NPAS3: variants seen among roughly 807,000 people sequenced by gnomAD.
NPAS3 encodes the protein neuronal PAS domain-containing protein 3.
NPAS3 carries 14 observed loss-of-function variants against 73.1 expected under a neutral mutation model. The observed-to-expected ratio is 0.19, with a 90% CI of 0.13 to 0.30. The LOEUF (loss-of-function observed/expected upper bound fraction) is 0.30, where lower values mean the gene tolerates loss of function less well. Ranked by LOEUF, NPAS3 falls within the 10% of genes least tolerant of loss-of-function variation. NPAS3 has a pLI of 1.00. For missense variants in NPAS3, 1,096 were observed against 1,250.0 expected, an observed-to-expected ratio of 0.88 and a Z score of 1.86; for synonymous variants, 620 against 541.5, an observed-to-expected ratio of 1.14 and a Z score of -2.01.
At chr14:32,942,167 T>TA (rs2036046083) in intron 1 of NPAS3, among the ~76,000 whole-genome samples, 1 of 152,176 alleles carries the variant, frequency 6.6e-6, no homozygotes. Flanking sequence ...CCTATTTATT[T>TA]AAAAAAATGT....
chr14:33,016,577 A>T (rs1048854799), intron 1 of NPAS3, among the ~76,000 whole-genome samples: 1 of 150,560 alleles, frequency 6.6e-6, no homozygotes, highest in African/African-American at 2.4e-5. Context: ...AGAACCATGA[A>T]AAAAGATTTA....
At position 33,800,031 on chromosome 14, in the gene NPAS3, T is replaced by C. The variant is rs761928704; in HGVS notation, c.1724T>C (p.Leu575Pro). Residue 575 changes from leucine to proline, a missense_variant, in exon 12 of 12, where the codon CTC becomes CCC. Transcript: ENST00000356141. The surrounding 1 kb of genome is among the most constrained non-coding windows in gnomAD (Gnocchi z 6.5). ...CTGCGGCTGCAGAACTGCGAGTCAC[T>C]CACGTCCGACAGCGCCAAGGACTCG... 5.0e-6 allele frequency: 8 copies of C among 1,610,004 alleles called. No homozygotes were observed. The highest frequency in any genetic ancestry group is 6.8e-6 in the Non-Finnish European group (8 of 1,179,668).
chr14:33,518,004 G>A (rs778771052), intron 4 of NPAS3, among the ~76,000 whole-genome samples: 6 of 152,010 alleles, frequency 3.9e-5, no homozygotes, highest in South Asian at 2.1e-4. Context: ...CATCCACCAC[G>A]TACCAGAGAC....
chr14:33,760,426 T>C (rs1404466802), intron 7 of NPAS3, among the ~76,000 whole-genome samples: 12 of 152,170 alleles, frequency 7.9e-5, no homozygotes, highest in Non-Finnish European at 1.2e-4. Flanking sequence ...TCAAAGATAC[T>C]TTGGAACGAA....
At chr14:33,116,534 G>T (rs527452891) in intron 2 of NPAS3, among the ~76,000 whole-genome samples, 2 of 152,064 alleles carry the variant, frequency 1.3e-5, no homozygotes, top group Admixed American at 6.6e-5. Flanking sequence ...ACTAAGATAA[G>T]TGCTATATTA....
chr14:33,022,199 A>G (rs998049538), intron 1 of NPAS3, among the ~76,000 whole-genome samples: 6 of 152,210 alleles, frequency 3.9e-5, no homozygotes, highest in East Asian at 1.9e-4. Flanking sequence ...CTTTCTGTCA[A>G]TGGGAAAATA....
upstream of NPAS3, among the ~76,000 whole-genome samples, chr14:32,937,008 A>G (rs2035717317): frequency 1.4e-5 from 2 of 146,486 alleles, no homozygotes; most frequent in South Asian, 4.3e-4. Flanking sequence ...TTTATGTTAT[A>G]TTGGCAGAAG....
chr14:33,380,629 T>C (rs1028005895), intron 4 of NPAS3, among the ~76,000 whole-genome samples: 1 of 152,238 alleles, frequency 6.6e-6, no homozygotes, highest in Non-Finnish European at 1.5e-5. Context: ...GAAAATGTCA[T>C]GCCATTTTGC....
intron 4 of NPAS3, among the ~76,000 whole-genome samples, chr14:33,419,519 T>C (rs2048290759): frequency 6.6e-6 from 1 of 151,912 alleles, no homozygotes; most frequent in South Asian, 2.1e-4. Flanking sequence ...GAAAAGTAAA[T>C]GCTTATTTAC....
At position 33,797,438 on chromosome 14, in the gene NPAS3, C is replaced by T. The variant is rs756449427; in HGVS notation, c.1302-19C>T. ...CAGAATGGGTGTCTGCACTCCTGAC[C>T]AGTGCCTCCCTTCCACAGCAATCCT... On this transcript the variant is annotated intron_variant, in intron 10 of 11. Transcript: ENST00000356141. 4 of 1,613,490 alleles carry T rather than the reference C, an allele frequency of 2.5e-6. No individual in the cohort carries two copies. The highest frequency in any genetic ancestry group is 2.7e-5 in the African/African-American group (2 of 74,918).
chr14:33,000,488 T>A (rs4442691), intron 1 of NPAS3, among the ~76,000 whole-genome samples: 14,317 of 152,174 alleles, frequency 0.094, 772 homozygotes, highest in Middle Eastern at 0.22. Flanking sequence ...AGACACAGAT[T>A]TTGTGAGTTG....
intron 4 of NPAS3, among the ~76,000 whole-genome samples, chr14:33,450,827 T>C (rs1050881745): frequency 7.9e-5 from 12 of 152,254 alleles, no homozygotes; most frequent in African/African-American, 2.7e-4. Flanking sequence ...TTGGTAATTA[T>C]TGATTGTCAT....
chr14:33,289,602 C>T (rs1165341887), intron 3 of NPAS3, among the ~76,000 whole-genome samples: 1 of 152,182 alleles, frequency 6.6e-6, no homozygotes, highest in African/African-American at 2.4e-5. Context: ...GGGCAGATGG[C>T]CTGAGGTCAG....
intron 1 of NPAS3, among the ~76,000 whole-genome samples, chr14:32,975,260 G>GT (rs34261520): frequency 2.0e-5 from 3 of 146,866 alleles, no homozygotes; most frequent in Non-Finnish European, 3.1e-5. Flanking sequence ...AAGTATGGTT[G>GT]TTTTTTTTCT....
At chr14:33,629,159 C>A (rs1490683753) in intron 5 of NPAS3, among the ~76,000 whole-genome samples, 1 of 151,492 alleles carries the variant, frequency 6.6e-6, no homozygotes, top group Non-Finnish European at 1.5e-5. Context: ...GGCGTGAGCC[C>A]CGGAGGCGAA....
rs542466148 is a variant in NPAS3, at chr14:33,462,605, C to G, written c.468+95337C>G. On this transcript the variant is annotated intron_variant, in intron 4 of 11. Coordinates refer to ENST00000356141, the Ensembl canonical transcript of NPAS3. ...TTGAGTAGGTGTGAGAAATAAGCTA[C>G]CATTTTTTAAACCACTCATAATGTG... 3.3e-5 allele frequency among the ~76,000 whole-genome samples: 5 copies of G among 152,074 alleles called. No individual in the cohort carries two copies. In the South Asian group the frequency reaches 1.0e-3, roughly 31 times the overall value.
intron 5 of NPAS3, among the ~76,000 whole-genome samples, chr14:33,613,511 T>C (rs1204167231): frequency 6.6e-6 from 1 of 152,166 alleles, no homozygotes; most frequent in East Asian, 1.9e-4. Flanking sequence ...TAACCACAGC[T>C]TGAGGCTTCC....
At chr14:33,112,693 T>G (rs912176765) in intron 2 of NPAS3, among the ~76,000 whole-genome samples, 8 of 152,272 alleles carry the variant, frequency 5.3e-5, no homozygotes, top group East Asian at 1.9e-4. Context: ...TGTCAATTTT[T>G]CCTTTTGTTG....
At chr14:33,701,712 G>C (rs1413569618) in intron 6 of NPAS3, among the ~76,000 whole-genome samples, 1 of 152,122 alleles carries the variant, frequency 6.6e-6, no homozygotes, top group African/African-American at 2.4e-5. Context: ...CTCTTTAAAG[G>C]CCTGTTCCTT....
Sources: gnomAD v4.1 joint callset for allele counts (sites outside exome capture counted in the v4.1 genomes callset) on GRCh38, gnomAD v4.1.1 for gene constraint, Gnocchi (gnomAD v3.1) non-coding constraint, MANE v1.5 for transcripts, NCBI Gene and HGNC (gene_info 2026-07-23, HGNC 2026-07-21) for gene names.